TADA2A: variants seen among roughly 807,000 people sequenced by gnomAD.
TADA2A encodes transcriptional adapter 2-alpha.
In TADA2A, 38 loss-of-function variants were observed where a neutral mutation model predicts 67.4. The observed-to-expected ratio is 0.56, with a 90% CI of 0.44 to 0.74. The LOEUF is 0.74. TADA2A is among the 30% of genes least tolerant of loss of function. TADA2A has a pLI of 0.00. For synonymous variants in TADA2A, 192 were observed against 181.6 expected, an observed-to-expected ratio of 1.06 and a Z score of -0.46; for missense variants, 454 against 547.0, an observed-to-expected ratio of 0.83 and a Z score of 1.70.
intron 8 of TADA2A, among the ~76,000 whole-genome samples, chr17:37,445,897 C>T (rs374977393): frequency 2.6e-5 from 4 of 152,130 alleles, no homozygotes; most frequent in South Asian, 4.1e-4. Context: ...GTAGAGTATA[C>T]TTGTTAAATT....
intron 4 of TADA2A, among the ~76,000 whole-genome samples, chr17:37,436,797 T>C (rs1354197182): frequency 6.6e-6 from 1 of 151,762 alleles, no homozygotes; most frequent in East Asian, 1.9e-4. Context: ...TTTTTTAAAG[T>C]GTGTTTTATT....
At chr17:37,441,164 T>TTC (rs1052584124) in intron 6 of TADA2A, among the ~76,000 whole-genome samples, 1 of 151,540 alleles carries the variant, frequency 6.6e-6, no homozygotes, top group African/African-American at 2.4e-5. Flanking sequence ...AGGGTCAGAG[T>TTC]TCTATACAGG....
chr17:37,418,435 G>C (rs1014006278), intron 2 of TADA2A, among the ~76,000 whole-genome samples: 2 of 152,100 alleles, frequency 1.3e-5, no homozygotes, highest in South Asian at 2.1e-4. Flanking sequence ...GCTCCCTAGG[G>C]GGGAGTTGAG....
intron 8 of TADA2A, among the ~76,000 whole-genome samples, chr17:37,447,384 G>T (rs1345523802): frequency 6.6e-6 from 1 of 152,040 alleles, no homozygotes; most frequent in East Asian, 1.9e-4. Flanking sequence ...CAAACTCTTG[G>T]CCTCAACTGA....
rs1447478772 is a variant in TADA2A at position 37,422,053 on chromosome 17, G to GT, written c.26-1446dup. Among the ~76,000 whole-genome samples the GT allele has an allele frequency of 6.9e-3, 931 of 134,390 alleles. 56 individuals are homozygous for GT. The highest frequency in any genetic ancestry group is 0.019 in the African/African-American group (723 of 37,546). The allele number at this position is 134,390 out of a possible 152,430, so 88.2% of individuals were successfully genotyped here. ...ACCGCCATGCTTGGCTAATTTTTTT[G>GT]TTTTTTTTTTGAGACAGAGTAAGAC... On this transcript the variant is annotated intron_variant, in intron 2 of 15. Coordinates refer to ENST00000615182, the MANE Select transcript of TADA2A (RefSeq NM_001166105.3).
At chr17:37,432,374 C>A (rs879765892) in intron 4 of TADA2A, among the ~76,000 whole-genome samples, 35 of 151,714 alleles carry the variant, frequency 2.3e-4, no homozygotes, top group Non-Finnish European at 4.7e-4. Flanking sequence ...ACCATGTTGG[C>A]CAGATTGGTC....
intron 6 of TADA2A, among the ~76,000 whole-genome samples, chr17:37,441,747 A>G (rs542854869): frequency 6.6e-6 from 1 of 151,084 alleles, no homozygotes; most frequent in South Asian, 2.1e-4. Flanking sequence ...GCTTACTGCA[A>G]CCTCCACCTC....
chr17:37,423,443 A>G (rs2052306177), intron 2 of TADA2A, 66 bp from the exon 3 acceptor site: 1 of 1,250,850 alleles, frequency 8.0e-7, no homozygotes, highest in Non-Finnish European at 1.1e-6. Context: ...GGGGATTTTC[A>G]CCTTTTTGCA....
chr17:37,420,736 C>G (rs577548264), intron 2 of TADA2A, among the ~76,000 whole-genome samples: 1 of 146,794 alleles, frequency 6.8e-6, no homozygotes, highest in Non-Finnish European at 1.5e-5. Context: ...GTGATCTTCA[C>G]TTGGAAGAGG....
At chr17:37,422,497 A>ATTATTATTATT (rs2052274105) in intron 2 of TADA2A, among the ~76,000 whole-genome samples, 1 of 137,214 alleles carries the variant, frequency 7.3e-6, no homozygotes, top group Non-Finnish European at 1.5e-5. Flanking sequence ...TATTATTATT[A>ATTATTATTATT]TTATTATTAT....
At chr17:37,410,011 C>CA (rs2051811811) in intron 1 of TADA2A, among the ~76,000 whole-genome samples, 2 of 151,904 alleles carry the variant, frequency 1.3e-5, no homozygotes, top group Non-Finnish European at 2.9e-5. Context: ...CCTAAAAATA[C>CA]AAAACAATTA....
intron 11 of TADA2A, 112 bp from the exon 12 acceptor site, chr17:37,467,342 A>G: frequency 2.5e-6 from 2 of 794,952 alleles, no homozygotes; most frequent in Non-Finnish European, 3.9e-6. Flanking sequence ...CTCCAAATGA[A>G]CTTCCCTAGT....
rs140339359 is a variant in TADA2A, at chr17:37,459,657, A to G, written c.668+1070A>G. Among the ~76,000 whole-genome samples, 52 of 150,800 alleles carry G rather than the reference A, an allele frequency of 3.4e-4. No homozygotes were observed. In the East Asian group the frequency reaches 9.8e-3, roughly 28 times the overall value. On this transcript the variant is annotated intron_variant, in intron 9 of 15. Transcript: ENST00000615182. ...ACCCAGGCTGGAGTGCAGTGTCACT[A>G]TCATGGCTCACTGCAGTCTCCAACT...
At chr17:37,444,545 G>T in intron 7 of TADA2A, 151 bp from the exon 8 acceptor site, 2 of 679,028 alleles carry the variant, frequency 2.9e-6, no homozygotes, top group Non-Finnish European at 5.2e-6. Flanking sequence ...CCTATTACCT[G>T]TGCCAGTATT....
At chr17:37,434,220 G>T (rs893407811) in intron 4 of TADA2A, among the ~76,000 whole-genome samples, 2 of 152,176 alleles carry the variant, frequency 1.3e-5, no homozygotes, top group African/African-American at 4.8e-5. Flanking sequence ...ATTTTATCAT[G>T]ATTAGATTTG....
At chr17:37,459,811 A>G in intron 9 of TADA2A, among the ~76,000 whole-genome samples, 1 of 150,094 alleles carries the variant, frequency 6.7e-6, no homozygotes, top group African/African-American at 2.4e-5. Context: ...CACACCTGTA[A>G]TCCCAGCACT....
chr17:37,443,356 C>T (rs918426044), intron 7 of TADA2A, among the ~76,000 whole-genome samples: 5 of 151,684 alleles, frequency 3.3e-5, no homozygotes, highest in Non-Finnish European at 7.4e-5. Context: ...TGGGTTCAAG[C>T]GATTCTCCTG....
chr17:37,425,194 T>G (rs2147930554), intron 3 of TADA2A, among the ~76,000 whole-genome samples: 1 of 152,326 alleles, frequency 6.6e-6, no homozygotes, highest in South Asian at 2.1e-4. Context: ...CACTGTTTTT[T>G]TAAGTTAATT....
chr17:37,458,971 C>T (rs2053476506), intron 9 of TADA2A, among the ~76,000 whole-genome samples: 1 of 152,106 alleles, frequency 6.6e-6, no homozygotes, highest in African/African-American at 2.4e-5. Context: ...GCCACTGTGC[C>T]TGGCCTCAGC....
Sources: gnomAD v4.1 joint callset for allele counts (sites outside exome capture counted in the v4.1 genomes callset) on GRCh38, gnomAD v4.1.1 for gene constraint, MANE v1.5 for transcripts, NCBI Gene and HGNC (gene_info 2026-07-23, HGNC 2026-07-21) for gene names.